Variants in NEIL2 observed in about 807,000 individuals in gnomAD.
The protein encoded by NEIL2 is nei like DNA glycosylase 2, also known as endonuclease 8-like 2.
In NEIL2, 23 loss-of-function variants were observed where a neutral mutation model predicts 22.2. The observed-to-expected ratio is 1.04, with a 90% CI of 0.75 to 1.47. The LOEUF is 1.47. NEIL2 is among the 40% of genes most tolerant of loss of function. The pLI is 0.00. For synonymous variants in NEIL2, 229 were observed against 164.8 expected, an observed-to-expected ratio of 1.39 and a Z score of -2.99; for missense variants, 583 against 404.7, an observed-to-expected ratio of 1.44 and a Z score of -3.78.
chr8:11,783,720 A>C (rs1040974765), intron 4 of NEIL2, among the ~76,000 whole-genome samples: 1 of 152,224 alleles, frequency 6.6e-6, no homozygotes, highest in Non-Finnish European at 1.5e-5. Flanking sequence ...TCCACTGCAC[A>C]GTGCAGCGCC....
chr8:11,786,439 C>T lies in NEIL2; in HGVS notation c.*166C>T. ...GGAGTTATGTTGAAGGCAGAGTTTT[C>T]ATAGGGTTAGATTTTTTTTATCCTT... On this transcript the variant is annotated 3_prime_UTR_variant, in exon 5 of 5. Transcript: ENST00000284503. The T allele has an allele frequency of 2.9e-6, 2 of 689,482 alleles. No individual in the cohort carries two copies. Among genetic ancestry groups the T allele is most frequent in the Non-Finnish European group, 5.1e-6 (2 of 391,398 alleles). 42.7% of individuals were successfully genotyped at this position (689,482 alleles called of 1,614,324 possible).
chr8:11,778,179 T>C (rs967582689), intron 2 of NEIL2, among the ~76,000 whole-genome samples: 3 of 152,226 alleles, frequency 2.0e-5, no homozygotes, highest in African/African-American at 7.2e-5. Context: ...GTTTTGTTCA[T>C]GATGGGCATT....
intron 2 of NEIL2, among the ~76,000 whole-genome samples, chr8:11,774,256 T>C (rs989765720): frequency 1.3e-5 from 2 of 152,018 alleles, no homozygotes; most frequent in African/African-American, 4.8e-5. Flanking sequence ...GCGCCTGTAA[T>C]CCCAGCTACT....
intron 4 of NEIL2, among the ~76,000 whole-genome samples, chr8:11,784,474 G>C (rs1271875042): frequency 2.6e-5 from 4 of 152,182 alleles, no homozygotes; most frequent in Admixed American, 6.5e-5. Flanking sequence ...GCTGAGATGT[G>C]AATCCAGGTG....
rs960500617 is a variant in NEIL2 at position 11,786,355 on chromosome 8, G to A, written c.*82G>A. ...GTCCAGAAAGGAGGATGTGGGCAGG[G>A]ACGGGGTACAGAGGATAGTGTGGGT... On this transcript the variant is annotated 3_prime_UTR_variant, in exon 5 of 5. Coordinates refer to ENST00000284503, the MANE Select transcript of NEIL2 (RefSeq NM_145043.4). 13 of 1,386,096 alleles carry A rather than the reference G, an allele frequency of 9.4e-6. No homozygotes were observed. The highest frequency in any genetic ancestry group is 1.4e-5 in the African/African-American group (1 of 69,974). 85.9% of individuals were successfully genotyped at this position (1,386,096 alleles called of 1,614,324 possible). A position where few individuals can be genotyped will look rare whatever the true frequency, so the allele number is the denominator to read the frequency against.
At chr8:11,784,501 T>C (rs1456885097) in intron 4 of NEIL2, among the ~76,000 whole-genome samples, 1 of 152,242 alleles carries the variant, frequency 6.6e-6, no homozygotes, top group East Asian at 1.9e-4. Context: ...CAATGAATTC[T>C]GGAGAGACTG....
At chr8:11,783,538 C>G in intron 4 of NEIL2, 139 bp downstream of exon 4, 1 of 729,278 alleles carries the variant, frequency 1.4e-6, no homozygotes, top group African/African-American at 1.7e-5. Flanking sequence ...AATCTCCTTT[C>G]TTTTACTTCC....
At chr8:11,782,628 T>G (rs1804523508) in intron 3 of NEIL2, 1 of 182,422 alleles carries the variant, frequency 5.5e-6, no homozygotes, top group Non-Finnish European at 1.2e-5. Context: ...ATGAAGGTTT[T>G]ATAGGTACTC....
chr8:11,772,373 T>G lies in NEIL2; in HGVS notation c.138+788T>G, dbSNP rs565095118. Among the ~76,000 whole-genome samples, 30 of 152,280 alleles carry G rather than the reference T, an allele frequency of 2.0e-4. No individual in the cohort carries two copies. In the South Asian group the frequency reaches 6.0e-3, roughly 31 times the overall value. ...TGAAACTGCCTTTGGCTCTTCTTAG[T>G]GTTTCTGTCCGTGGTTTTCACTTGC... On this transcript the variant is annotated intron_variant, in intron 2 of 4. Coordinates refer to ENST00000284503, the MANE Select transcript of NEIL2 (RefSeq NM_145043.4).
intron 2 of NEIL2, among the ~76,000 whole-genome samples, chr8:11,778,081 G>T (rs909574510): frequency 1.3e-5 from 2 of 152,214 alleles, no homozygotes; most frequent in Admixed American, 6.5e-5. Flanking sequence ...AGTGGCTGCA[G>T]TGTCACAGGA....
At chr8:11,772,547 T>G (rs895908871) in intron 2 of NEIL2, among the ~76,000 whole-genome samples, 3 of 152,194 alleles carry the variant, frequency 2.0e-5, no homozygotes, top group Non-Finnish European at 2.9e-5. Flanking sequence ...GGAAGGAGAC[T>G]CCATCTCTGT....
At position 11,771,523 on chromosome 8, in the gene NEIL2, G is replaced by T; in HGVS notation, c.76G>T (p.Gly26Trp). The T allele has an allele frequency of 6.2e-7, 1 of 1,613,898 alleles. No individual in the cohort carries two copies. Among genetic ancestry groups the T allele is most frequent in the South Asian group, 1.1e-5 (1 of 91,070 alleles). ...PFVGQQVVKTGGSSKKLQPAS... is the reference protein window; with the variant it reads ...PFVGQQVVKTWGSSKKLQPAS... Reference sequence around the variant, plus strand: ...TGTGGGTCAGCAGGTGGTCAAGACAGGGGGCAGCAGTAAGAAGCTACAGCC... The same window carrying T: ...TGTGGGTCAGCAGGTGGTCAAGACATGGGGCAGCAGTAAGAAGCTACAGCC... The change falls in exon 2 of 5, where the codon GGG becomes TGG. Residue 26 changes from glycine (G) to tryptophan (W), a missense_variant. Coordinates refer to ENST00000284503, the MANE Select transcript of NEIL2 (RefSeq NM_145043.4).
intron 4 of NEIL2, among the ~76,000 whole-genome samples, chr8:11,785,589 A>T (rs532754086): frequency 2.0e-4 from 31 of 152,338 alleles, no homozygotes; most frequent in African/African-American, 6.3e-4. Context: ...TGCTCACAAA[A>T]ACCAGGTAAG....
chr8:11,784,757 T>G (rs1804745322), intron 4 of NEIL2, among the ~76,000 whole-genome samples: 1 of 152,234 alleles, frequency 6.6e-6, no homozygotes, highest in African/African-American at 2.4e-5. Context: ...AGTTACTGAT[T>G]CTGGAAGGAG....
chr8:11,783,738 A>G (rs1358906580), intron 4 of NEIL2, among the ~76,000 whole-genome samples: 1 of 152,208 alleles, frequency 6.6e-6, no homozygotes, highest in East Asian at 1.9e-4. Context: ...GCCTGCACGT[A>G]GGAGGTGCCT....
chr8:11,783,826 T>C (rs1027122559), intron 4 of NEIL2, among the ~76,000 whole-genome samples: 4 of 152,150 alleles, frequency 2.6e-5, no homozygotes, highest in African/African-American at 7.2e-5. Flanking sequence ...ATGCTGCTCT[T>C]GGGTGGATGG....
intron 4 of NEIL2, among the ~76,000 whole-genome samples, chr8:11,784,369 G>A (rs1563265765): frequency 6.6e-6 from 1 of 152,230 alleles, no homozygotes; most frequent in African/African-American, 2.4e-5. Context: ...ACATGTTCTT[G>A]TCCTTACTGC....
At chr8:11,777,376 A>T (rs1017706170) in intron 2 of NEIL2, among the ~76,000 whole-genome samples, 13 of 146,976 alleles carry the variant, frequency 8.8e-5, no homozygotes, top group South Asian at 2.1e-4. Context: ...AAAAATTTTT[A>T]AAATTGTGAT....
intron 2 of NEIL2, among the ~76,000 whole-genome samples, chr8:11,773,203 A>C (rs1188160688): frequency 3.3e-5 from 5 of 152,170 alleles, no homozygotes; most frequent in Non-Finnish European, 7.3e-5. Context: ...TCTGCCACAG[A>C]GCTGGCTGTA....
Sources: allele counts gnomAD v4.1 joint callset (sites outside exome capture counted in the v4.1 genomes callset), GRCh38; gene constraint gnomAD v4.1.1; transcripts MANE v1.5; gene names NCBI Gene and HGNC (gene_info 2026-07-23, HGNC 2026-07-21).